The following PPFIA2 variants were observed in gnomAD, a reference collection of about 807,000 sequenced individuals.
The protein encoded by PPFIA2 is PPFI scaffold protein A2.
PPFIA2 carries 46 observed loss-of-function variants against 175.5 expected under a neutral mutation model. The observed-to-expected ratio is 0.26, with a 90% CI of 0.21 to 0.34. The LOEUF is 0.34. PPFIA2 is among the 10% of genes least tolerant of loss of function. The pLI is 1.00. For missense variants in PPFIA2, 1,179 were observed against 1,506.1 expected, an observed-to-expected ratio of 0.78 and a Z score of 3.60; for synonymous variants, 568 against 511.4, an observed-to-expected ratio of 1.11 and a Z score of -1.49.
intron 14 of PPFIA2, among the ~76,000 whole-genome samples, chr12:81,364,674 G>T (rs1276151892): frequency 6.6e-6 from 1 of 151,846 alleles, no homozygotes; most frequent in Admixed American, 6.6e-5. Context: ...TGAATTGGGA[G>T]TCAGAAAAGA....
chr12:81,723,423 A>G (rs1029115139), intron 3 of PPFIA2, among the ~76,000 whole-genome samples: 1 of 151,076 alleles, frequency 6.6e-6, no homozygotes, highest in African/African-American at 2.4e-5. Context: ...ATAAGTCAAA[A>G]GTCAATGAAC....
At chr12:81,600,549 G>T (rs1226627492) in intron 4 of PPFIA2, among the ~76,000 whole-genome samples, 1 of 151,716 alleles carries the variant, frequency 6.6e-6, no homozygotes, top group African/African-American at 2.4e-5. Context: ...TAATTTTTAA[G>T]CAGCTATATT....
chr12:81,489,645 A>G (rs1003828513), intron 4 of PPFIA2, among the ~76,000 whole-genome samples: 8 of 151,966 alleles, frequency 5.3e-5, no homozygotes, highest in African/African-American at 1.4e-4. Context: ...AAATGATGCA[A>G]TTAGTCACTG....
intron 4 of PPFIA2, among the ~76,000 whole-genome samples, chr12:81,549,517 A>T (rs929945262): frequency 6.6e-6 from 1 of 151,968 alleles, no homozygotes; most frequent in African/African-American, 2.4e-5. Flanking sequence ...GCCTATGGGA[A>T]GTCTAATGCA....
At chr12:81,299,162 C>T (rs999806436) in intron 23 of PPFIA2, 139 bp downstream of exon 23, 9 of 1,122,286 alleles carry the variant, frequency 8.0e-6, no homozygotes, top group Non-Finnish European at 1.1e-5. Context: ...AATTTATTCC[C>T]TAGTAAGCAA....
At chr12:81,607,345 A>C (rs1298202547) in intron 4 of PPFIA2, among the ~76,000 whole-genome samples, 29 of 152,096 alleles carry the variant, frequency 1.9e-4, no homozygotes, top group Admixed American at 1.9e-3. Flanking sequence ...GAAGAATGAC[A>C]TTGTTAGTTT....
rs188795081 is a variant in PPFIA2, at chr12:81,440,891, A to T, written c.571-845T>A. 4.6e-5 allele frequency among the ~76,000 whole-genome samples: 7 copies of T among 150,780 alleles called. No individual in the cohort carries two copies. In the East Asian group the frequency reaches 1.4e-3, roughly 29 times the overall value. The stretch of plus-strand genomic sequence containing the variant: ...TAAAATGAATGACTATAGCAGTTTA[A>T]TTTTCCTTAAAAAATCAAAAAACTT... On this transcript the variant is annotated intron_variant, in intron 6 of 32. Transcript: ENST00000549396.
chr12:81,470,331 G>A (rs1215372167), intron 4 of PPFIA2, among the ~76,000 whole-genome samples: 1 of 152,196 alleles, frequency 6.6e-6, no homozygotes, highest in Non-Finnish European at 1.5e-5. Flanking sequence ...ATGGAAAGCT[G>A]TTCCACATCA....
chr12:81,427,497 CAT>C (rs531123719), intron 7 of PPFIA2, among the ~76,000 whole-genome samples: 109 of 152,074 alleles, frequency 7.2e-4, no homozygotes, highest in South Asian at 1.9e-3. Flanking sequence ...TTTTATCAAA[CAT>C]GTGAATAAGT....
chr12:81,292,104 A>AATAATAAAATGTATCATAG (rs1439625229), intron 24 of PPFIA2, among the ~76,000 whole-genome samples: 28 of 152,116 alleles, frequency 1.8e-4, no homozygotes, highest in Non-Finnish European at 4.4e-5. Context: ...GGTAAATAAA[A>AATAATAAAATGTATCATAG]ATAATAAAAT....
chr12:81,319,516 C>A (rs1015576010), intron 22 of PPFIA2, among the ~76,000 whole-genome samples: 2 of 151,848 alleles, frequency 1.3e-5, no homozygotes, highest in East Asian at 3.9e-4. Flanking sequence ...ATTTTGAAAG[C>A]ATTGGTTTTA....
intron 4 of PPFIA2, among the ~76,000 whole-genome samples, chr12:81,655,783 C>T (rs1010170881): frequency 6.6e-5 from 10 of 151,944 alleles, no homozygotes; most frequent in Non-Finnish European, 1.0e-4. Context: ...CAAGGCCAAG[C>T]TTATTTATCA....
At chr12:81,712,789 T>TA (rs1282957013) in intron 3 of PPFIA2, among the ~76,000 whole-genome samples, 5 of 150,674 alleles carry the variant, frequency 3.3e-5, no homozygotes, top group African/African-American at 4.8e-5. Context: ...AAAAGACTCT[T>TA]ACGCTTTCAA....
intron 4 of PPFIA2, among the ~76,000 whole-genome samples, chr12:81,584,346 G>A (rs1376399852): frequency 6.6e-6 from 1 of 151,742 alleles, no homozygotes; most frequent in Non-Finnish European, 1.5e-5. Flanking sequence ...ATATCATTTA[G>A]GATTTCAAAG....
intron 21 of PPFIA2, among the ~76,000 whole-genome samples, chr12:81,333,367 A>C (rs1314900568): frequency 1.3e-5 from 2 of 152,192 alleles, no homozygotes; most frequent in Non-Finnish European, 2.9e-5. Flanking sequence ...AGTTCAGCAA[A>C]GGGAATAAAC....
chr12:81,357,985 G>A, intron 16 of PPFIA2, 97 bp downstream of exon 16: 1 of 1,203,936 alleles, frequency 8.3e-7, no homozygotes, highest in Non-Finnish European at 1.1e-6. Flanking sequence ...TAATAAAAAT[G>A]CTAGCATTTT....
chr12:81,440,083 TCCC>T, intron 6 of PPFIA2, 37 bp from the exon 7 acceptor site: 1 of 1,450,590 alleles, frequency 6.9e-7, no homozygotes, highest in East Asian at 2.4e-5. Flanking sequence ...GTAATGTACA[TCCC>T]ATACATATTA....
chr12:81,616,986 C>T (rs2061475650), intron 4 of PPFIA2, among the ~76,000 whole-genome samples: 1 of 152,146 alleles, frequency 6.6e-6, no homozygotes, highest in African/African-American at 2.4e-5. Context: ...GCTCTAGTGT[C>T]AAAGAGATTC....
intron 7 of PPFIA2, among the ~76,000 whole-genome samples, chr12:81,425,729 C>G (rs2144123227): frequency 6.6e-6 from 1 of 152,216 alleles, no homozygotes; most frequent in East Asian, 1.9e-4. Flanking sequence ...CTCTCTCTCT[C>G]TGCACTGGCT....
Sources: gnomAD v4.1 joint callset for allele counts (sites outside exome capture counted in the v4.1 genomes callset) on GRCh38, gnomAD v4.1.1 for gene constraint, MANE v1.5 for transcripts, NCBI Gene and HGNC (gene_info 2026-07-23, HGNC 2026-07-21) for gene names.